The following GPHN variants were observed in gnomAD, a reference collection of about 807,000 sequenced individuals.
GPHN encodes the protein gephyrin.
A neutral mutation model predicts 95.5 loss-of-function variants in GPHN; 17 were observed. The observed-to-expected ratio is 0.18, with a 90% CI of 0.12 to 0.27. The LOEUF is 0.27. Ranked by LOEUF, GPHN falls within the 10% of genes least tolerant of loss-of-function variation. The probability of loss-of-function intolerance (pLI) is 1.00; values close to 1 mark genes in which losing one functional copy is unlikely to be tolerated. For synonymous variants in GPHN, 320 were observed against 322.5 expected, an observed-to-expected ratio of 0.99 and a Z score of 0.08; for missense variants, 660 against 978.1, an observed-to-expected ratio of 0.67 and a Z score of 4.34.
the GPHN span, among the ~76,000 whole-genome samples, chr14:67,400,049 A>G: frequency 6.6e-6 from 1 of 152,296 alleles, no homozygotes; most frequent in Non-Finnish European, 1.5e-5. Flanking sequence ...TTAGTTCTCA[A>G]TCTCTGGTGC....
At chr14:67,560,444 C>A in the GPHN span, among the ~76,000 whole-genome samples, 1 of 152,226 alleles carries the variant, frequency 6.6e-6, no homozygotes, top group Non-Finnish European at 1.5e-5. Context: ...AGTACATTCA[C>A]AGTGTTGTGC....
chr14:67,486,490 G>C, the GPHN span, among the ~76,000 whole-genome samples: 358 of 152,276 alleles, frequency 2.4e-3, no homozygotes, highest in African/African-American at 8.2e-3. Flanking sequence ...GGCCAGGATG[G>C]TCTCAATCTG....
At chr14:67,014,954 G>T (rs2073218750) in intron 9 of GPHN, among the ~76,000 whole-genome samples, 2 of 152,228 alleles carry the variant, frequency 1.3e-5, no homozygotes, top group East Asian at 1.9e-4. Context: ...GTTCAACTTG[G>T]AATTAAAGCT....
chr14:67,429,721 G>A, the GPHN span, among the ~76,000 whole-genome samples: 2 of 152,062 alleles, frequency 1.3e-5, no homozygotes, highest in Non-Finnish European at 2.9e-5. Context: ...GGGTGACAGA[G>A]CAAGACTGTG....
At chr14:67,473,285 G>A in the GPHN span, 47 of 1,256,808 alleles carry the variant, frequency 3.7e-5, no homozygotes, top group Non-Finnish European at 4.3e-5. The surrounding 1 kb of genome is among the most constrained non-coding windows in gnomAD (Gnocchi z 6.5). Flanking sequence ...GACGTTAGGG[G>A]GCTCTGTGTG....
At chr14:66,715,919 A>T (rs1807598435) in intron 2 of GPHN, among the ~76,000 whole-genome samples, 1 of 152,032 alleles carries the variant, frequency 6.6e-6, no homozygotes. Flanking sequence ...TCTATCTTGG[A>T]GAAAGTTCCA....
the GPHN span, among the ~76,000 whole-genome samples, chr14:67,292,229 C>G: frequency 6.6e-6 from 1 of 151,638 alleles, no homozygotes; most frequent in East Asian, 1.9e-4. Flanking sequence ...TTTTAAATTT[C>G]TTTATTTTTG....
chr14:67,545,537 CA>C, the GPHN span, among the ~76,000 whole-genome samples: 1 of 151,702 alleles, frequency 6.6e-6, no homozygotes, highest in African/African-American at 2.4e-5. Context: ...AATAATATAT[CA>C]AAAAAAGGAG....
chr14:66,619,474 G>C (rs1373749375), intron 1 of GPHN, among the ~76,000 whole-genome samples: 2 of 143,064 alleles, frequency 1.4e-5, no homozygotes, highest in African/African-American at 5.5e-5. Context: ...TAGTAATGTT[G>C]AAGATATTCT....
At chr14:66,675,442 C>A (rs1336942700) in intron 1 of GPHN, among the ~76,000 whole-genome samples, 1 of 152,098 alleles carries the variant, frequency 6.6e-6, no homozygotes, top group African/African-American at 2.4e-5. Flanking sequence ...CCGCTCCCGG[C>A]CCCTTTTTCC....
chr14:67,529,006 C>T, the GPHN span, among the ~76,000 whole-genome samples: 1 of 152,174 alleles, frequency 6.6e-6, no homozygotes, highest in Non-Finnish European at 1.5e-5. Flanking sequence ...TGCTGCTCCT[C>T]CTGGGTACTT....
At chr14:67,145,214 G>T (rs1228663202) in intron 18 of GPHN, among the ~76,000 whole-genome samples, 1 of 152,136 alleles carries the variant, frequency 6.6e-6, no homozygotes, top group African/African-American at 2.4e-5. Context: ...CTTAGTTTCT[G>T]ATTAACCTAA....
chr14:67,718,412 C>T, the GPHN span, among the ~76,000 whole-genome samples: 2 of 152,164 alleles, frequency 1.3e-5, no homozygotes, highest in African/African-American at 4.8e-5. Flanking sequence ...ACCAGGAGAC[C>T]AGTACAGTAT....
chr14:66,560,691 G>A (rs1284672937), intron 1 of GPHN, among the ~76,000 whole-genome samples: 1 of 149,592 alleles, frequency 6.7e-6, no homozygotes, highest in Non-Finnish European at 1.5e-5. Flanking sequence ...CTGCAAACAG[G>A]GACAATTTGA....
chr14:66,510,415 ACTTAC>A (rs2057998030), intron 1 of GPHN, among the ~76,000 whole-genome samples: 2 of 152,254 alleles, frequency 1.3e-5, no homozygotes, highest in African/African-American at 4.8e-5. Flanking sequence ...TAACGAATCA[ACTTAC>A]CTTTGTGAAG....
At chr14:66,975,348 T>G (rs566323175) in intron 9 of GPHN, among the ~76,000 whole-genome samples, 25 of 152,248 alleles carry the variant, frequency 1.6e-4, no homozygotes, top group Admixed American at 5.9e-4. Flanking sequence ...GCAGAACTTT[T>G]AGGTCTAAGA....
At chr14:67,166,295 C>T (rs17104064) in intron 20 of GPHN, among the ~76,000 whole-genome samples, 7,738 of 152,154 alleles carry the variant, frequency 0.051, 214 homozygotes, top group Middle Eastern at 0.068. Flanking sequence ...TTCATAATTC[C>T]TTGGATGCTC....
At chr14:66,801,637 C>G (rs553832153) in intron 3 of GPHN, among the ~76,000 whole-genome samples, 1 of 134,340 alleles carries the variant, frequency 7.4e-6, no homozygotes, top group African/African-American at 2.7e-5. Flanking sequence ...TCTCTCCCCC[C>G]TCTCTCTCCT....
At chr14:66,511,558 G>A (rs1303685773) in intron 1 of GPHN, among the ~76,000 whole-genome samples, 3 of 151,916 alleles carry the variant, frequency 2.0e-5, no homozygotes, top group Non-Finnish European at 2.9e-5. Flanking sequence ...TTTAATTGAC[G>A]TTGTGACATT....
Sources: gnomAD v4.1 joint callset for allele counts (sites outside exome capture counted in the v4.1 genomes callset) on GRCh38, gnomAD v4.1.1 for gene constraint, Gnocchi (gnomAD v3.1) non-coding constraint, MANE v1.5 for transcripts, NCBI Gene and HGNC (gene_info 2026-07-23, HGNC 2026-07-21) for gene names.